ADGRG2: variants seen among roughly 807,000 people sequenced by gnomAD.
ADGRG2 encodes G protein-coupled receptor 64.
A neutral mutation model predicts 74.1 loss-of-function variants in ADGRG2; 26 were observed. That is an observed-to-expected ratio of 0.35 (90% CI 0.26 to 0.49). The LOEUF is 0.49. ADGRG2 is among the 20% of genes least tolerant of loss of function. ADGRG2 has a pLI of 0.99. For synonymous variants in ADGRG2, 296 were observed against 295.2 expected (o/e 1.00, Z -0.03); for missense variants, 619 against 763.1 (o/e 0.81, Z 2.22).
At chrX:19,007,424 A>T in intron 19 of ADGRG2, 67 bp from the exon 20 acceptor site, 2 of 987,508 alleles carry the variant, frequency 2.0e-6, no homozygotes, top group South Asian at 4.0e-5. Context: ...AGGAACACTA[A>T]GGAATATTCA....
intron 7 of ADGRG2, 47 bp downstream of exon 7, chrX:19,035,895 A>G: frequency 1.4e-6 from 1 of 698,647 alleles, no homozygotes; most frequent in African/African-American, 2.1e-5. Flanking sequence ...AAGACACTCA[A>G]GAGGCTGCAG....
intron 14 of ADGRG2, among the ~76,000 whole-genome samples, chrX:19,020,466 G>A (rs929560847): frequency 4.5e-5 from 5 of 111,154 alleles, no homozygotes; most frequent in Admixed American, 9.7e-5. Context: ...CTTTATTAGC[G>A]GGGAGGGAGA....
chrX:19,011,361 A>C (rs990229506), intron 16 of ADGRG2, among the ~76,000 whole-genome samples: 1 of 112,053 alleles, frequency 8.9e-6, no homozygotes, highest in Non-Finnish European at 1.9e-5. Context: ...AACTGCAAAA[A>C]TTTGATTTAT....
intron 3 of ADGRG2, among the ~76,000 whole-genome samples, chrX:19,054,431 A>T (rs1569110345): frequency 1.8e-5 from 2 of 111,588 alleles, no homozygotes; most frequent in East Asian, 5.6e-4. Flanking sequence ...AAAGTAACTA[A>T]TTTTTTTCTG....
intron 1 of ADGRG2, among the ~76,000 whole-genome samples, chrX:19,103,461 G>A (rs2062225102): frequency 9.0e-6 from 1 of 111,690 alleles, no homozygotes; most frequent in Admixed American, 9.5e-5. Flanking sequence ...TCTGCCTACG[G>A]AGCAAACATT....
intron 3 of ADGRG2, among the ~76,000 whole-genome samples, chrX:19,054,952 T>C (rs1182439016): frequency 1.8e-5 from 2 of 111,274 alleles, no homozygotes; most frequent in Non-Finnish European, 1.9e-5. Context: ...TCCTTGGCCA[T>C]GTGTGTACTT....
At chrX:19,031,337 G>C in intron 8 of ADGRG2, 1 of 248,988 alleles carries the variant, frequency 4.0e-6, no homozygotes, top group Non-Finnish European at 7.1e-6. Context: ...AGTATAAACA[G>C]AGCACCATGA....
At chrX:18,994,417 A>T (rs1194724324) in intron 28 of ADGRG2, among the ~76,000 whole-genome samples, 1 of 110,666 alleles carries the variant, frequency 9.0e-6, no homozygotes, top group Non-Finnish European at 1.9e-5. Flanking sequence ...GAATTGCTGG[A>T]ACCCAGGAGG....
chrX:19,038,917 G>A (rs1219822911), intron 4 of ADGRG2, among the ~76,000 whole-genome samples: 1 of 111,946 alleles, frequency 8.9e-6, no homozygotes, highest in East Asian at 2.8e-4. Context: ...ACAACTAGGG[G>A]GCAAATTGGC....
chrX:19,050,627 C>A (rs2061301256), intron 3 of ADGRG2, among the ~76,000 whole-genome samples: 1 of 111,748 alleles, frequency 8.9e-6, no homozygotes, highest in Non-Finnish European at 1.9e-5. Flanking sequence ...GTGGCTAGCA[C>A]CTCAAATCCC....
chrX:19,049,329 C>T lies in ADGRG2; in HGVS notation c.119-9105G>A, dbSNP rs140227531. The stretch of plus-strand genomic sequence containing the variant: ...GCGAGTTAATATGTTTATCCATATG[C>T]GGACATCCACAGCCCTGGGAGTGGC... On this transcript the variant is annotated intron_variant, in intron 3 of 28. Coordinates refer to ENST00000379869, the MANE Select transcript of ADGRG2 (RefSeq NM_001079858.3). Among the ~76,000 whole-genome samples the T allele has an allele frequency of 5.7e-3, 637 of 111,384 alleles. 7 individuals carry two copies. Among genetic ancestry groups the T allele is most frequent in the African/African-American group, 0.019 (591 of 30,549 alleles).
chrX:19,016,463 G>A (rs1010960716), intron 15 of ADGRG2, among the ~76,000 whole-genome samples: 6 of 111,348 alleles, frequency 5.4e-5, no homozygotes, highest in African/African-American at 1.6e-4. Flanking sequence ...GGGAAGCCCA[G>A]GCCACATCCT....
intron 15 of ADGRG2, among the ~76,000 whole-genome samples, chrX:19,018,292 TG>T (rs199652637): frequency 0.02 from 2,126 of 108,678 alleles, 65 homozygotes; most frequent in African/African-American, 0.069. Context: ...TTTGTTTGTT[TG>T]TTTTTTTTTA....
At chrX:19,021,365 T>C (rs1465832714) in intron 13 of ADGRG2, 167 bp from the exon 14 acceptor site, 1 of 496,329 alleles carries the variant, frequency 2.0e-6, no homozygotes, top group Non-Finnish European at 3.6e-6. Flanking sequence ...GGTCTGAATT[T>C]TACCCAAAAA....
intron 28 of ADGRG2, among the ~76,000 whole-genome samples, chrX:18,992,296 T>TTTG (rs200235130): frequency 0.025 from 2,822 of 112,198 alleles, 42 homozygotes; most frequent in Non-Finnish European, 0.04. Flanking sequence ...TCTAGCTTTT[T>TTTG]TTGTTGTTGT....
At chrX:19,117,508 G>T (rs1019519754) in intron 1 of ADGRG2, among the ~76,000 whole-genome samples, 3 of 110,016 alleles carry the variant, frequency 2.7e-5, no homozygotes, top group Non-Finnish European at 3.8e-5. Flanking sequence ...CCAAAGGTAG[G>T]TTCTTCATCA....
intron 27 of ADGRG2, 73 bp from the exon 28 acceptor site, chrX:18,995,121 G>A: frequency 3.8e-6 from 3 of 779,361 alleles, no homozygotes; most frequent in Non-Finnish European, 5.6e-6. Context: ...AGATCACAGT[G>A]TAACAAGTCC....
chrX:19,008,538 C>T (rs377587569), intron 18 of ADGRG2, among the ~76,000 whole-genome samples: 2 of 110,367 alleles, frequency 1.8e-5, no homozygotes, highest in East Asian at 2.9e-4. Flanking sequence ...TGGTGGCAGG[C>T]GCCTGTAATC....
At chrX:19,042,386 A>G (rs1324192653) in intron 3 of ADGRG2, among the ~76,000 whole-genome samples, 1 of 111,056 alleles carries the variant, frequency 9.0e-6, no homozygotes, top group East Asian at 2.8e-4. Flanking sequence ...AGAGTTAGGT[A>G]CCAGAGAAGA....
Sources: allele counts gnomAD v4.1 joint callset (sites outside exome capture counted in the v4.1 genomes callset), GRCh38; gene constraint gnomAD v4.1.1; transcripts MANE v1.5; gene names NCBI Gene and HGNC (gene_info 2026-07-23, HGNC 2026-07-21).